EPAS1: variants seen among roughly 807,000 people sequenced by gnomAD.
The protein encoded by EPAS1 is endothelial PAS domain-containing protein 1.
EPAS1 carries 23 observed loss-of-function variants against 87.9 expected under a neutral mutation model. The ratio of observed to expected loss-of-function variants is 0.26; its 90% CI spans 0.19 to 0.37. The LOEUF is 0.37. Ranked by LOEUF, EPAS1 falls within the 10% of genes least tolerant of loss-of-function variation. The pLI, the probability that EPAS1 is intolerant of heterozygous loss-of-function variation, is 1.00. For synonymous variants in EPAS1, 508 were observed against 444.3 expected (o/e 1.14, Z -1.80); for missense variants, 1,138 against 1,120.7 (o/e 1.02, Z -0.22).
rs564361383 is a variant in EPAS1 at position 46,302,767 on chromosome 2, A to G, written c.26+4830A>G. ...AAAAAAAAAAAAAAAAAGAGATACA[A>G]GGAAGCTTAAGTAAAAATATAAGGG... On this transcript the variant is annotated intron_variant, in intron 1 of 15. Coordinates refer to ENST00000263734, the MANE Select transcript of EPAS1 (RefSeq NM_001430.5). Among the ~76,000 whole-genome samples the G allele has an allele frequency of 3.3e-5, 5 of 149,862 alleles. No individual in the cohort carries two copies. In the East Asian group the frequency reaches 9.7e-4, roughly 29 times the overall value.
rs1335393403 is a variant in EPAS1 at position 46,375,193 on chromosome 2, A to AC, written c.887-497_887-496insC. The stretch of plus-strand genomic sequence containing the variant: ...TGGGTCTGCTGAAAAAAAAAAACAA[A>AC]AAAAAACAAAAAAAACTGCCCTGAG... On this transcript the variant is annotated intron_variant, in intron 7 of 15. Coordinates refer to ENST00000263734, the MANE Select transcript of EPAS1 (RefSeq NM_001430.5). The surrounding 1 kb of genome is among the most constrained non-coding windows in gnomAD (Gnocchi z 4.1). Among the ~76,000 whole-genome samples, 31 of 151,506 alleles carry AC rather than the reference A, an allele frequency of 2.0e-4. No individual in the cohort carries two copies. The highest frequency in any genetic ancestry group is 3.1e-4 in the Non-Finnish European group (21 of 67,762).
intron 1 of EPAS1, among the ~76,000 whole-genome samples, chr2:46,329,016 C>T (rs144105749): frequency 1.3e-5 from 2 of 152,202 alleles, no homozygotes; most frequent in Non-Finnish European, 2.9e-5. Flanking sequence ...TCCTAATGAG[C>T]CTCTGGGAAA....
Position 46,297,860 on chromosome 2 carries a change from C to G in EPAS1, c.-52C>G. ...GACGAGGGCCACAGCCCCCCACCCGCCAGGGAGCCCAGGTGCTCGGCGTCT... is the reference window on the plus strand; with the variant it reads ...GACGAGGGCCACAGCCCCCCACCCGGCAGGGAGCCCAGGTGCTCGGCGTCT... On this transcript the variant is annotated 5_prime_UTR_variant, in exon 1 of 16. Transcript: ENST00000263734. 6.3e-7 allele frequency: 1 copy of G among 1,595,308 alleles called. No individual in the cohort carries two copies. The highest frequency in any genetic ancestry group is 2.3e-5 in the East Asian group (1 of 43,718).
chr2:46,353,749 G>A (rs1349653326), intron 2 of EPAS1, among the ~76,000 whole-genome samples: 1 of 152,234 alleles, frequency 6.6e-6, no homozygotes, highest in Non-Finnish European at 1.5e-5. Flanking sequence ...ACCCCAAGCA[G>A]GGATCAGGTG....
intron 4 of EPAS1, among the ~76,000 whole-genome samples, chr2:46,358,354 G>A (rs375336869): frequency 6.6e-6 from 1 of 152,166 alleles, no homozygotes. Flanking sequence ...TGTCTTGTCT[G>A]GTTCTGTGGG....
At chr2:46,367,602 T>C (rs1684530068) in intron 6 of EPAS1, among the ~76,000 whole-genome samples, 2 of 152,242 alleles carry the variant, frequency 1.3e-5, no homozygotes, top group African/African-American at 4.8e-5. Context: ...ATGTATCCAT[T>C]GCTAATGAGT....
intron 7 of EPAS1, among the ~76,000 whole-genome samples, chr2:46,372,468 C>T (rs1209622963): frequency 2.6e-5 from 4 of 152,272 alleles, no homozygotes; most frequent in East Asian, 1.9e-4. Flanking sequence ...AAAGGTTTAC[C>T]GTTGAAATGC....
chr2:46,344,218 G>C (rs1683969983), intron 1 of EPAS1, among the ~76,000 whole-genome samples: 1 of 152,228 alleles, frequency 6.6e-6, no homozygotes, highest in Non-Finnish European at 1.5e-5. Flanking sequence ...TCATATATCA[G>C]ATGCCATTGT....
At chr2:46,305,771 G>T (rs956800393) in intron 1 of EPAS1, among the ~76,000 whole-genome samples, 2 of 152,158 alleles carry the variant, frequency 1.3e-5, no homozygotes, top group African/African-American at 4.8e-5. Context: ...GAGATAAGTG[G>T]TAGCAATCTT....
intron 8 of EPAS1, among the ~76,000 whole-genome samples, 187 bp from the exon 9 acceptor site, chr2:46,376,350 GAT>G (rs2103663694): frequency 6.6e-6 from 1 of 152,244 alleles, no homozygotes; most frequent in East Asian, 1.9e-4. Flanking sequence ...ACATTCAGAG[GAT>G]ACCTCTGTTG....
chr2:46,347,084 T>G lies in EPAS1; in HGVS notation c.217+21T>G. 1 of 1,614,032 alleles carries G rather than the reference T, an allele frequency of 6.2e-7. No individual in the cohort carries two copies. The highest frequency in any genetic ancestry group is 8.5e-7 in the Non-Finnish European group (1 of 1,179,912). Reference sequence around the variant, plus strand: ...CTCAGGTAAGGCCAGCAGGCTCCCCTAGGCTGGGCAGATGCCAGCCTTACC... The same window carrying G: ...CTCAGGTAAGGCCAGCAGGCTCCCCGAGGCTGGGCAGATGCCAGCCTTACC... On this transcript the variant is annotated intron_variant, in intron 2 of 15. Coordinates refer to ENST00000263734, the MANE Select transcript of EPAS1 (RefSeq NM_001430.5). The surrounding 1 kb of genome is among the most constrained non-coding windows in gnomAD (Gnocchi z 4.2).
chr2:46,361,467 A>G (rs557904114), intron 6 of EPAS1, among the ~76,000 whole-genome samples: 1 of 152,310 alleles, frequency 6.6e-6, no homozygotes, highest in South Asian at 2.1e-4. Context: ...AGAGGCCAGT[A>G]AGGAGCATCA....
At chr2:46,359,187 A>T (rs1337075993) in intron 4 of EPAS1, among the ~76,000 whole-genome samples, 4 of 140,792 alleles carry the variant, frequency 2.8e-5, no homozygotes, top group Non-Finnish European at 6.0e-5. Context: ...TGAACCCAGG[A>T]GGCAGAGGTT....
chr2:46,322,224 CCTCTT>C (rs1322621485), intron 1 of EPAS1, among the ~76,000 whole-genome samples: 2 of 152,188 alleles, frequency 1.3e-5, no homozygotes, highest in African/African-American at 4.8e-5. Context: ...ACAAACCCCT[CCTCTT>C]CTCCACCCGC....
intron 1 of EPAS1, among the ~76,000 whole-genome samples, chr2:46,343,235 T>A (rs903747480): frequency 9.2e-5 from 14 of 152,210 alleles, no homozygotes; most frequent in African/African-American, 3.4e-4. Context: ...TGGTTCTTAG[T>A]CCTACTCTTA....
chr2:46,379,470 C>G (rs1684835129), intron 11 of EPAS1, among the ~76,000 whole-genome samples: 1 of 152,224 alleles, frequency 6.6e-6, no homozygotes, highest in Admixed American at 6.5e-5. Context: ...CTATCACCCT[C>G]CCTCCTCAGC....
At chr2:46,370,724 C>G (rs2103654041) in intron 7 of EPAS1, among the ~76,000 whole-genome samples, 1 of 152,330 alleles carries the variant, frequency 6.6e-6, no homozygotes, top group African/African-American at 2.4e-5. Flanking sequence ...AATATCCACA[C>G]TTGGCTTGTA....
intron 1 of EPAS1, among the ~76,000 whole-genome samples, chr2:46,339,937 G>T (rs868280867): frequency 6.6e-6 from 1 of 152,138 alleles, no homozygotes; most frequent in South Asian, 2.1e-4. Flanking sequence ...ACCTCCCAAC[G>T]GTTCCACCTT....
chr2:46,376,852 C>T (rs1684762847), intron 9 of EPAS1, 99 bp downstream of exon 9: 2 of 1,248,764 alleles, frequency 1.6e-6, no homozygotes, highest in East Asian at 2.4e-5. Flanking sequence ...TTTTCTTAAC[C>T]AGAGCTACCC....
Sources: gnomAD v4.1 joint callset for allele counts (sites outside exome capture counted in the v4.1 genomes callset) on GRCh38, gnomAD v4.1.1 for gene constraint, Gnocchi (gnomAD v3.1) non-coding constraint, MANE v1.5 for transcripts, NCBI Gene and HGNC (gene_info 2026-07-23, HGNC 2026-07-21) for gene names.